USH2A: variants seen among roughly 807,000 people sequenced by gnomAD.
USH2A encodes the protein Usher syndrome 2A (autosomal recessive, mild).
In USH2A, 443 loss-of-function variants were observed where a neutral mutation model predicts 538.9. The ratio of observed to expected loss-of-function variants is 0.82; its 90% CI spans 0.76 to 0.89. The LOEUF (loss-of-function observed/expected upper bound fraction) is 0.89, where lower values mean the gene tolerates loss of function less well. USH2A is among the 40% of genes least tolerant of loss of function. USH2A has a pLI of 0.00. For missense variants in USH2A, 6,633 were observed against 6,324.8 expected (o/e 1.05, Z -1.65); for synonymous variants, 2,413 against 2,273.5 (o/e 1.06, Z -1.75).
intron 44 of USH2A, among the ~76,000 whole-genome samples, chr1:215,865,095 A>G (rs1461541418): frequency 6.6e-6 from 1 of 152,194 alleles, no homozygotes; most frequent in Non-Finnish European, 1.5e-5. Flanking sequence ...TCCAATCAAG[A>G]CAACAATTTA....
At chr1:216,183,238 G>T (rs1397419454) in intron 20 of USH2A, among the ~76,000 whole-genome samples, 1 of 151,904 alleles carries the variant, frequency 6.6e-6, no homozygotes, top group Non-Finnish European at 1.5e-5. Context: ...ATCATCAGCT[G>T]CGCTTTTCTA....
At chr1:216,160,949 T>C (rs1186964100) in intron 21 of USH2A, among the ~76,000 whole-genome samples, 1 of 152,120 alleles carries the variant, frequency 6.6e-6, no homozygotes. Context: ...TAGGATTATA[T>C]GTCCCTCTAT....
intron 30 of USH2A, among the ~76,000 whole-genome samples, chr1:216,050,616 T>TCTTTCTTTCTTTCTTTC (rs1558231973): frequency 2.9e-4 from 14 of 47,554 alleles, no homozygotes; most frequent in African/African-American, 4.8e-4. Context: ...TTTTTTTTTT[T>TCTTTCTTTCTTTCTTTC]TTTTTTGAGA....
rs1268983405 is a variant in USH2A at position 216,051,207 on chromosome 1, T to TC, written c.6050-2561dup. Among the ~76,000 whole-genome samples the TC allele has an allele frequency of 5.3e-5, 8 of 152,302 alleles. No homozygotes were observed. The South Asian group carries it at 1.7e-3, about 32-fold the overall frequency. On this transcript the variant is annotated intron_variant, in intron 30 of 71. Coordinates refer to ENST00000307340, the MANE Select transcript of USH2A (RefSeq NM_206933.4). Reference sequence around the variant, plus strand: ...GTGATCACATTTGTATCTACAGACTTCACATCTCTCCCAAGCCCTGGTTCT... The same window carrying TC: ...GTGATCACATTTGTATCTACAGACTTCCACATCTCTCCCAAGCCCTGGTTCT...
chr1:215,925,319 T>G (rs1666210398), intron 38 of USH2A, among the ~76,000 whole-genome samples: 1 of 152,202 alleles, frequency 6.6e-6, no homozygotes, highest in Non-Finnish European at 1.5e-5. Context: ...GCACACTATT[T>G]ATTTTATTAA....
intron 20 of USH2A, among the ~76,000 whole-genome samples, chr1:216,183,259 G>A (rs567185856): frequency 5.3e-5 from 8 of 151,992 alleles, no homozygotes; most frequent in African/African-American, 1.9e-4. Context: ...TAGGCTTGCT[G>A]TGGATCGAGT....
Position 216,220,508 on chromosome 1 carries a change from T to C in USH2A, c.2994-2958A>G, listed in dbSNP as rs146027521. On this transcript the variant is annotated intron_variant, in intron 14 of 71. Coordinates refer to ENST00000307340, the MANE Select transcript of USH2A (RefSeq NM_206933.4). The stretch of plus-strand genomic sequence containing the variant: ...GCAGAAGAAGGGATGGGAAGGGTAA[T>C]TTTAAGTAGAAGTCTTGGAGGAGAT... Among the ~76,000 whole-genome samples the C allele has an allele frequency of 1.1e-4, 16 of 151,118 alleles. No individual in the cohort carries two copies. The East Asian group carries it at 2.1e-3, about 20-fold the overall frequency.
Position 216,199,637 on chromosome 1 carries a change from C to T in USH2A, c.3801G>A (p.Ala1267=), listed in dbSNP as rs537863698. The T allele has an allele frequency of 3.2e-5, 51 of 1,613,942 alleles. No homozygotes were observed. The African/African-American group carries it at 3.5e-4, about 11-fold the overall frequency. ...TELHVEWSPP[A]ELNGIIIRYE... ...GCCTTGGATTCTTACCATTTAGTTC[C>T]GCTGGTGGAGACCATTCTACATGAA... Residue 1267 remains alanine (A), a synonymous_variant, in exon 17 of 72, where the codon GCG becomes GCA. Coordinates refer to ENST00000307340, the MANE Select transcript of USH2A (RefSeq NM_206933.4).
At chr1:216,067,510 A>G (rs2031419324) in intron 30 of USH2A, among the ~76,000 whole-genome samples, 1 of 151,246 alleles carries the variant, frequency 6.6e-6, no homozygotes, top group Admixed American at 6.6e-5. Context: ...AAAAAAAAAA[A>G]GGCTATGAAA....
chr1:216,075,133 T>C (rs2031704633), intron 27 of USH2A, among the ~76,000 whole-genome samples: 1 of 152,112 alleles, frequency 6.6e-6, no homozygotes, highest in Admixed American at 6.6e-5. Context: ...CTTTCTTCAT[T>C]TTGGAGATGA....
intron 3 of USH2A, among the ~76,000 whole-genome samples, chr1:216,394,736 T>TTTTTTTTTTTTTA: frequency 2.1e-5 from 3 of 146,312 alleles, no homozygotes; most frequent in African/African-American, 7.5e-5. Flanking sequence ...TTTTTTTTTT[T>TTTTTTTTTTTTTA]GAGACAGAGT....
chr1:215,747,011 G>C (rs1373185891), intron 58 of USH2A, among the ~76,000 whole-genome samples: 1 of 152,196 alleles, frequency 6.6e-6, no homozygotes, highest in African/African-American at 2.4e-5. Context: ...TGAGTGATTA[G>C]AATTTTTGCT....
At chr1:215,844,255 A>G in intron 46 of USH2A, 39 bp downstream of exon 46, 2 of 1,596,324 alleles carry the variant, frequency 1.3e-6, no homozygotes, top group Non-Finnish European at 1.7e-6. Context: ...TTTATTTAAC[A>G]TATCCATAAG....
At chr1:216,256,119 G>C (rs1337394759) in intron 11 of USH2A, among the ~76,000 whole-genome samples, 3 of 151,910 alleles carry the variant, frequency 2.0e-5, no homozygotes, top group African/African-American at 7.2e-5. Context: ...TAACCTAGTT[G>C]TGTCTTATAC....
At chr1:215,685,165 TAG>T in intron 61 of USH2A, among the ~76,000 whole-genome samples, 1 of 152,180 alleles carries the variant, frequency 6.6e-6, no homozygotes, top group East Asian at 1.9e-4. Flanking sequence ...TGTCGTAATG[TAG>T]ACAAATCAAC....
intron 21 of USH2A, among the ~76,000 whole-genome samples, chr1:216,108,572 G>A (rs2032793490): frequency 6.6e-6 from 1 of 151,684 alleles, no homozygotes. Flanking sequence ...TCTTCTTCCT[G>A]GAACCCACAT....
chr1:216,072,724 C>A, intron 29 of USH2A, 165 bp downstream of exon 29: 1 of 690,046 alleles, frequency 1.4e-6, no homozygotes. Context: ...CACTGATCTA[C>A]TAAGCATTTT....
intron 64 of USH2A, 137 bp from the exon 65 acceptor site, chr1:215,650,938 T>G: frequency 1.1e-6 from 1 of 892,822 alleles, no homozygotes; most frequent in Non-Finnish European, 1.7e-6. Context: ...AACTTTGATC[T>G]TGCAACCTTG....
intron 21 of USH2A, among the ~76,000 whole-genome samples, chr1:216,128,275 A>C (rs2033297517): frequency 6.6e-6 from 1 of 152,084 alleles, no homozygotes; most frequent in Admixed American, 6.6e-5. Context: ...ACAATGTGTA[A>C]TTTAGATGCA....
Sources: allele counts gnomAD v4.1 joint callset (sites outside exome capture counted in the v4.1 genomes callset), GRCh38; gene constraint gnomAD v4.1.1; transcripts MANE v1.5; gene names NCBI Gene and HGNC (gene_info 2026-07-23, HGNC 2026-07-21).